Variants in TCF12 observed in about 807,000 individuals in gnomAD.
TCF12 encodes the protein DNA-binding protein HTF4.
Under a neutral mutation model 86.0 loss-of-function variants are expected in TCF12, and 45 were observed. The ratio of observed to expected loss-of-function variants is 0.52; its 90% CI spans 0.41 to 0.67. The LOEUF is 0.67. Ranked by LOEUF, TCF12 falls within the 30% of genes least tolerant of loss-of-function variation. The pLI, the probability that TCF12 is intolerant of heterozygous loss-of-function variation, is 0.00. For synonymous variants in TCF12, 330 were observed against 299.6 expected (o/e 1.10, Z -1.05); for missense variants, 881 against 859.9 (o/e 1.02, Z -0.31).
intron 4 of TCF12, among the ~76,000 whole-genome samples, chr15:57,071,178 G>T (rs1267549197): frequency 6.6e-6 from 1 of 151,840 alleles, no homozygotes; most frequent in Non-Finnish European, 1.5e-5. Context: ...AGGCTAAAAT[G>T]GGAGGATTGC....
chr15:57,090,196 A>G lies in TCF12; in HGVS notation c.223-1593A>G, dbSNP rs149691385. On this transcript the variant is annotated intron_variant, in intron 4 of 20. Coordinates refer to ENST00000333725, the MANE Select transcript of TCF12 (RefSeq NM_207037.2). ...ACGCCACTGCACTCCAGCCTGGGCA[A>G]CAGAGCGAGGGCCCTGTCTCCAAAA... Among the ~76,000 whole-genome samples the G allele has an allele frequency of 1.9e-3, 290 of 152,268 alleles. 3 individuals are homozygous for G. Among genetic ancestry groups the G allele is most frequent in the African/African-American group, 2.2e-3 (93 of 41,562 alleles).
At chr15:57,051,517 T>G (rs1254604735) in intron 3 of TCF12, among the ~76,000 whole-genome samples, 1 of 152,164 alleles carries the variant, frequency 6.6e-6, no homozygotes, top group African/African-American at 2.4e-5. Flanking sequence ...AGAGATGAGT[T>G]CTTGCTATGT....
rs142338486 is a variant in TCF12, at chr15:57,160,951, A to G, written c.326-5451A>G. Among the ~76,000 whole-genome samples the G allele has an allele frequency of 2.6e-3, 391 of 152,120 alleles. 2 individuals are homozygous for G. The highest frequency in any genetic ancestry group is 0.01 in the Middle Eastern group (3 of 294). The stretch of plus-strand genomic sequence containing the variant: ...GCAGTCCTCCCACCTCAGCCTCCCT[A>G]AGTGCTGGGATTACAGGCATGAGCC... On this transcript the variant is annotated intron_variant, in intron 5 of 20. Coordinates refer to ENST00000333725, the MANE Select transcript of TCF12 (RefSeq NM_207037.2).
intron 8 of TCF12, among the ~76,000 whole-genome samples, chr15:57,223,896 ACATTTTTT>A (rs2058745051): frequency 6.6e-6 from 1 of 151,796 alleles, no homozygotes; most frequent in Non-Finnish European, 1.5e-5. Context: ...GTTAAATCTA[ACATTTTTT>A]ATAATAGGGA....
chr15:57,087,192 C>G (rs2048703359), intron 4 of TCF12, among the ~76,000 whole-genome samples: 1 of 151,698 alleles, frequency 6.6e-6, no homozygotes, highest in Non-Finnish European at 1.5e-5. Context: ...ATGGGAGGTT[C>G]ACTTGAGCCC....
At position 56,985,478 on chromosome 15, in the gene TCF12, C is replaced by CT. The variant is rs559049431; in HGVS notation, c.148+64382dup. Among the ~76,000 whole-genome samples the CT allele has an allele frequency of 3.1e-4, 47 of 152,248 alleles. 1 individual carries two copies. Among genetic ancestry groups the CT allele is most frequent in the Middle Eastern group, 3.4e-3 (1 of 294 alleles). On this transcript the variant is annotated intron_variant, in intron 3 of 20. Coordinates refer to ENST00000333725, the MANE Select transcript of TCF12 (RefSeq NM_207037.2). ...ATATGTATACCATGGCTTATTTTGA[C>CT]TTAGCTGGTTAATTTATCCAGATAC...
intron 5 of TCF12, among the ~76,000 whole-genome samples, chr15:57,103,282 T>C (rs2049887057): frequency 6.6e-6 from 1 of 152,132 alleles, no homozygotes; most frequent in African/African-American, 2.4e-5. Flanking sequence ...TTATAAAGTA[T>C]GTAATTTTAA....
intron 8 of TCF12, among the ~76,000 whole-genome samples, chr15:57,212,867 C>T (rs2058171782): frequency 6.6e-6 from 1 of 152,136 alleles, no homozygotes; most frequent in Non-Finnish European, 1.5e-5. Flanking sequence ...TCTCCTGACT[C>T]CCAGTTTAGT....
chr15:57,155,089 A>T (rs1187735778), intron 5 of TCF12, among the ~76,000 whole-genome samples: 2 of 152,280 alleles, frequency 1.3e-5, no homozygotes, highest in East Asian at 3.9e-4. Context: ...ACAAAGTGGG[A>T]ATTTAAACCT....
rs3223202 is a variant in TCF12, at chr15:56,920,487, C to CACGTGTGTGGGTGTGT, written c.75+499_75+500insACGTGTGTGGGTGTGT. 2.0e-5 allele frequency among the ~76,000 whole-genome samples: 3 copies of CACGTGTGTGGGTGTGT among 146,870 alleles called. No individual in the cohort carries two copies. The East Asian group carries it at 6.3e-4, about 31-fold the overall frequency. On this transcript the variant is annotated intron_variant, in intron 2 of 20. Coordinates refer to ENST00000333725, the MANE Select transcript of TCF12 (RefSeq NM_207037.2). The stretch of plus-strand genomic sequence containing the variant: ...TACTTTTATTTTATACACACACACA[C>CACGTGTGTGGGTGTGT]GTGTGTGTGTGTGTGTGTGTGTATT...
chr15:57,088,496 G>GTTTTTT, intron 4 of TCF12, among the ~76,000 whole-genome samples: 1 of 146,706 alleles, frequency 6.8e-6, no homozygotes, highest in African/African-American at 2.5e-5. Context: ...AATTGCTTTA[G>GTTTTTT]TTTTTTTTTT....
chr15:57,153,456 C>T (rs1309626980), intron 5 of TCF12, among the ~76,000 whole-genome samples: 3 of 151,972 alleles, frequency 2.0e-5, no homozygotes, highest in African/African-American at 4.8e-5. Flanking sequence ...ATGATCTATA[C>T]AAAGAAATGA....
Position 56,921,110 on chromosome 15 carries a change from T to C in TCF12, c.148+12T>C, listed in dbSNP as rs371779017. On this transcript the variant is annotated intron_variant, in intron 3 of 20. Transcript: ENST00000333725. ...ATTCAGTGGATCAGGTAAGATGATG[T>C]CTTAAACTAAAGACTCATATTTTGG... 47 of 1,591,198 alleles carry C rather than the reference T, an allele frequency of 3.0e-5. No individual in the cohort carries two copies. Among genetic ancestry groups the C allele is most frequent in the Non-Finnish European group, 3.9e-5 (46 of 1,168,180 alleles).
chr15:57,029,812 A>G (rs1442319316), intron 3 of TCF12, among the ~76,000 whole-genome samples: 3 of 151,544 alleles, frequency 2.0e-5, no homozygotes, highest in Non-Finnish European at 4.4e-5. Context: ...GACTGCGTAT[A>G]AATGTAATAA....
intron 5 of TCF12, among the ~76,000 whole-genome samples, chr15:57,107,505 A>G (rs1181213234): frequency 1.3e-5 from 2 of 152,152 alleles, no homozygotes; most frequent in African/African-American, 2.4e-5. Flanking sequence ...ATATGTCATT[A>G]TATGTTTTTT....
At chr15:57,135,179 G>A (rs527442930) in intron 5 of TCF12, among the ~76,000 whole-genome samples, 1 of 152,082 alleles carries the variant, frequency 6.6e-6, no homozygotes, top group Non-Finnish European at 1.5e-5. Context: ...TTCTGGTTGG[G>A]GATCACAGGT....
intron 8 of TCF12, among the ~76,000 whole-genome samples, chr15:57,215,656 G>A (rs1305061738): frequency 6.6e-6 from 1 of 152,082 alleles, no homozygotes; most frequent in African/African-American, 2.4e-5. Flanking sequence ...TATACAGTAA[G>A]ATTAACCACT....
chr15:56,947,032 A>G (rs1489772701), intron 3 of TCF12, among the ~76,000 whole-genome samples: 1 of 152,052 alleles, frequency 6.6e-6, no homozygotes, highest in African/African-American at 2.4e-5. Context: ...TCCTGACCTC[A>G]AGTGATCTGC....
In TCF12 at chr15:57,269,064, A is replaced by G. The variant is rs369897501; in HGVS notation, c.1746-3966A>G. ...TCCGCTTGGTCCAGAGCTGAGTTCA[A>G]GTCCTGGATATCCTTGTTAATTTTC... is the stretch of plus-strand genomic sequence containing the variant. On this transcript the variant is annotated intron_variant, in intron 18 of 20. Coordinates refer to ENST00000333725, the MANE Select transcript of TCF12 (RefSeq NM_207037.2). Among the ~76,000 whole-genome samples the G allele has an allele frequency of 2.0e-5, 3 of 152,248 alleles. No individual in the cohort carries two copies. The South Asian group carries it at 6.2e-4, about 32-fold the overall frequency.
Sources: allele counts gnomAD v4.1 joint callset (sites outside exome capture counted in the v4.1 genomes callset), GRCh38; gene constraint gnomAD v4.1.1; transcripts MANE v1.5; gene names NCBI Gene and HGNC (gene_info 2026-07-23, HGNC 2026-07-21).